Variants in BICC1 observed in about 807,000 individuals in gnomAD.
BICC1 encodes the protein BicC family RNA binding protein 1, also known as protein bicaudal C homolog 1.
BICC1 carries 43 observed loss-of-function variants against 111.0 expected under a neutral mutation model. The ratio of observed to expected loss-of-function variants is 0.39; its 90% confidence interval spans 0.30 to 0.50. The LOEUF (loss-of-function observed/expected upper bound fraction) is 0.50. Among genes scored for constraint, BICC1 ranks in the 20% least tolerant of loss-of-function variants. BICC1 has a pLI of 0.88. For synonymous variants in BICC1, 467 were observed against 434.4 expected, an observed-to-expected ratio of 1.07 and a Z score of -0.93; for missense variants, 1,091 against 1,203.2, an observed-to-expected ratio of 0.91 and a Z score of 1.38.
At chr10:58,803,865 G>A (rs1324933705) in intron 15 of BICC1, among the ~76,000 whole-genome samples, 1 of 152,142 alleles carries the variant, frequency 6.6e-6, no homozygotes, top group East Asian at 1.9e-4. Flanking sequence ...CCATGAAAAT[G>A]CAGAAATTAT....
intron 2 of BICC1, among the ~76,000 whole-genome samples, chr10:58,694,565 C>G (rs144605314): frequency 5.0e-4 from 76 of 152,286 alleles, no homozygotes; most frequent in African/African-American, 1.8e-3. Flanking sequence ...CTTTGTAAAG[C>G]GTGGACTATC....
At chr10:58,769,328 G>C (rs973316855) in intron 3 of BICC1, among the ~76,000 whole-genome samples, 1 of 149,064 alleles carries the variant, frequency 6.7e-6, no homozygotes, top group African/African-American at 2.5e-5. Flanking sequence ...ACAGAGGTCA[G>C]TATGTGAAGT....
chr10:58,681,660 G>A (rs1020400701), intron 2 of BICC1, among the ~76,000 whole-genome samples: 6 of 151,776 alleles, frequency 4.0e-5, no homozygotes, highest in South Asian at 2.1e-4. Flanking sequence ...GGTTCCTTCC[G>A]GTGGGTTCTT....
At chr10:58,581,378 A>G (rs1322876211) in intron 1 of BICC1, among the ~76,000 whole-genome samples, 5 of 152,194 alleles carry the variant, frequency 3.3e-5, no homozygotes, top group Non-Finnish European at 7.3e-5. Context: ...ATTCATCTAT[A>G]TACATGCTTA....
chr10:58,660,802 G>C (rs992856913), intron 2 of BICC1, among the ~76,000 whole-genome samples: 4 of 152,202 alleles, frequency 2.6e-5, no homozygotes, highest in African/African-American at 9.6e-5. Context: ...AAGGGAAAGA[G>C]AAAGTCACCC....
intron 2 of BICC1, among the ~76,000 whole-genome samples, chr10:58,656,529 G>T (rs1405558052): frequency 1.3e-5 from 2 of 149,974 alleles, no homozygotes; most frequent in East Asian, 1.9e-4. Flanking sequence ...TCCCTGGGAT[G>T]CAAGGCTGGT....
intron 1 of BICC1, among the ~76,000 whole-genome samples, chr10:58,594,893 G>A (rs1321277927): frequency 2.0e-5 from 3 of 151,650 alleles, no homozygotes; most frequent in Non-Finnish European, 4.4e-5. Context: ...CTAAATGTAG[G>A]CTAAATGCCC....
At chr10:58,513,578 G>A (rs182394260) in intron 1 of BICC1, among the ~76,000 whole-genome samples, 3 of 152,336 alleles carry the variant, frequency 2.0e-5, no homozygotes, top group South Asian at 4.1e-4. Context: ...CTTCAGAAAA[G>A]CCGAAGGCCG....
chr10:58,808,419 T>C (rs960589758), intron 17 of BICC1, among the ~76,000 whole-genome samples: 2 of 152,198 alleles, frequency 1.3e-5, no homozygotes, highest in African/African-American at 4.8e-5. Flanking sequence ...GAGTGAAGTG[T>C]GCCAGATTGT....
chr10:58,724,379 C>CTGTGTGTGTGTGTATATGTG (rs1237561076), intron 3 of BICC1, among the ~76,000 whole-genome samples: 29 of 151,600 alleles, frequency 1.9e-4, no homozygotes, highest in African/African-American at 6.8e-4. Flanking sequence ...AACTCTGTGT[C>CTGTGTGTGTGTGTATATGTG]TGTGTGTGTG....
intron 1 of BICC1, among the ~76,000 whole-genome samples, chr10:58,544,158 C>T (rs935244180): frequency 6.6e-6 from 1 of 152,036 alleles, no homozygotes; most frequent in African/African-American, 2.4e-5. Context: ...GTAACTGGAA[C>T]CTCATAATAG....
chr10:58,715,899 C>T lies in BICC1; in HGVS notation c.307+13756C>T, dbSNP rs148641218. On this transcript the variant is annotated intron_variant, in intron 3 of 20. Transcript: ENST00000373886. ...CTTCATCAAGCTCTGATTCTTCCAG[C>T]AATTCTTCTGATTCTGAAGATGAGG... 1.5e-3 allele frequency: 1,882 copies of T among 1,237,040 alleles called. 28 individuals are homozygous for T. In the Admixed American group the frequency reaches 0.02, roughly 13 times the overall value. The allele number at this position is 1,237,040 out of a possible 1,614,324, so 76.6% of individuals were successfully genotyped here.
Position 58,828,843 on chromosome 10 carries a change from A to G in BICC1, c.2877A>G (p.Leu959=). Residue 959 remains leucine, a synonymous_variant, in exon 21 of 21, where the codon CTA becomes CTG. Transcript: ENST00000373886. ...TGGAAGGTGGAGCGAGTGGAAGGCTACCCCGTCAGTATCACTCAGACATTG... is the reference window on the plus strand; with the variant it reads ...TGGAAGGTGGAGCGAGTGGAAGGCTGCCCCGTCAGTATCACTCAGACATTG... ...SFLEGGASGR[L]PRQYHSDIAS... 3 of 1,613,928 alleles carry G rather than the reference A, an allele frequency of 1.9e-6. No individual in the cohort carries two copies. The highest frequency in any genetic ancestry group is 2.5e-6 in the Non-Finnish European group (3 of 1,179,884).
chr10:58,789,424 C>T lies in BICC1; in HGVS notation c.763C>T (p.Arg255Ter), dbSNP rs754002090. The T allele has an allele frequency of 6.2e-7, 1 of 1,613,870 alleles. No homozygotes were observed. Among genetic ancestry groups the T allele is most frequent in the South Asian group, 1.1e-5 (1 of 91,048 alleles). Residue 255 changes from arginine to a stop codon, truncating the protein, a stop_gained, in exon 7 of 21, where the codon CGA becomes TGA. Coordinates refer to ENST00000373886, the MANE Select transcript of BICC1 (RefSeq NM_001080512.3). LOFTEE classifies it high-confidence loss of function. ...SRMYGATVIVRGSQNNTSAVK... is the reference protein window; with the variant it reads ...SRMYGATVIV ...AATGTATGGTGCTACTGTCATAGTA[C>T]GAGGGTCTCAGAATAACACTAGTGC...
chr10:58,646,252 A>G (rs980377450), intron 2 of BICC1, among the ~76,000 whole-genome samples: 3 of 152,208 alleles, frequency 2.0e-5, no homozygotes, highest in African/African-American at 7.2e-5. Flanking sequence ...AAAAGTCAGC[A>G]TCTTTTAAAT....
At chr10:58,784,478 A>G (rs201386561) in intron 3 of BICC1, among the ~76,000 whole-genome samples, 1 of 152,164 alleles carries the variant, frequency 6.6e-6, no homozygotes, top group East Asian at 1.9e-4. Flanking sequence ...GTTATTGCAT[A>G]AAGTGTGGAT....
At chr10:58,655,290 C>T (rs1384995720) in intron 2 of BICC1, among the ~76,000 whole-genome samples, 5 of 139,330 alleles carry the variant, frequency 3.6e-5, no homozygotes, top group African/African-American at 1.3e-4. Flanking sequence ...GCCATTTTCA[C>T]GATATTGATT....
chr10:58,523,994 G>A (rs1842462870), intron 1 of BICC1, among the ~76,000 whole-genome samples: 1 of 151,962 alleles, frequency 6.6e-6, no homozygotes, highest in Non-Finnish European at 1.5e-5. Context: ...AACGTACAAG[G>A]GATGTGAAGG....
intron 1 of BICC1, among the ~76,000 whole-genome samples, chr10:58,611,312 G>A (rs1301944221): frequency 6.6e-6 from 1 of 152,038 alleles, no homozygotes; most frequent in Non-Finnish European, 1.5e-5. Flanking sequence ...CAAATAACAA[G>A]TGTTATTAAT....
Sources: allele counts gnomAD v4.1 joint callset (sites outside exome capture counted in the v4.1 genomes callset), GRCh38; gene constraint gnomAD v4.1.1; transcripts MANE v1.5; gene names NCBI Gene and HGNC (gene_info 2026-07-23, HGNC 2026-07-21).